Variants in ACSM4 observed in about 807,000 individuals in gnomAD.
ACSM4 encodes the protein acyl-CoA synthetase medium chain family member 4.
Under a neutral mutation model 73.0 loss-of-function variants are expected in ACSM4, and 66 were observed. The observed-to-expected ratio is 0.90, with a 90% confidence interval of 0.74 to 1.11. ACSM4 has a LOEUF of 1.11. Ranked by LOEUF, ACSM4 falls within the 50% of genes least tolerant of loss-of-function variation. The probability of loss-of-function intolerance (pLI) is 0.00; values close to 1 mark genes in which losing one functional copy is unlikely to be tolerated. For missense variants in ACSM4, 645 were observed against 714.4 expected (o/e 0.90, Z 1.11); for synonymous variants, 222 against 254.0 (o/e 0.87, Z 1.20).
intron 8 of ACSM4, 67 bp downstream of exon 8, chr12:7,323,381 T>C: frequency 6.3e-7 from 1 of 1,594,326 alleles, no homozygotes; most frequent in Non-Finnish European, 8.6e-7. Flanking sequence ...CTGCTATTCA[T>C]TGCACAACTA....
At chr12:7,306,847 CAAAAA>C (rs59277746) in intron 2 of ACSM4, 104 bp downstream of exon 2, 1,140 of 486,372 alleles carry the variant, frequency 2.3e-3, no homozygotes, top group South Asian at 5.5e-3. Flanking sequence ...ATACAGAAGA[CAAAAA>C]AAAAAAAAAA....
intron 3 of ACSM4, 132 bp from the exon 4 acceptor site, chr12:7,317,005 A>C: frequency 8.9e-7 from 1 of 1,129,604 alleles, no homozygotes. Context: ...CTCTCAGGAA[A>C]GCTTTGGATT....
intron 3 of ACSM4, among the ~76,000 whole-genome samples, chr12:7,313,148 C>T (rs890863520): frequency 6.6e-6 from 1 of 152,162 alleles, no homozygotes; most frequent in African/African-American, 2.4e-5. Flanking sequence ...GAGCAGCAAG[C>T]ACTTCCACTT....
At position 7,323,101 on chromosome 12, in the gene ACSM4, A is replaced by C; in HGVS notation, c.1126-133A>C. ...CCGAAGTTTGAGAACTACTGGTTTC[A>C]AATAATATATTTCAGAAGGTGCGCC... On this transcript the variant is annotated intron_variant, in intron 7 of 12. Transcript: ENST00000399422. 3.8e-6 allele frequency: 3 copies of C among 793,644 alleles called. 1 individual carries two copies. Among genetic ancestry groups the C allele is most frequent in the Non-Finnish European group, 2.0e-6 (1 of 500,350 alleles). 49.2% of individuals were successfully genotyped at this position (793,644 alleles called of 1,614,324 possible). A position where few individuals can be genotyped will look rare whatever the true frequency, so the allele number is the denominator to read the frequency against.
chr12:7,317,066 G>T, intron 3 of ACSM4, 71 bp from the exon 4 acceptor site: 1 of 1,523,954 alleles, frequency 6.6e-7, no homozygotes, highest in South Asian at 1.3e-5. Context: ...ATAAGTAGTT[G>T]AGCAGAGGAA....
chr12:7,322,635 A>C (rs1291579488), intron 7 of ACSM4, 94 bp downstream of exon 7: 5 of 1,456,094 alleles, frequency 3.4e-6, no homozygotes, highest in Non-Finnish European at 4.6e-6. Flanking sequence ...ATCCCACTGT[A>C]AATTTTTATA....
At chr12:7,314,499 A>C (rs1222007702) in intron 3 of ACSM4, among the ~76,000 whole-genome samples, 1 of 152,186 alleles carries the variant, frequency 6.6e-6, no homozygotes, top group African/African-American at 2.4e-5. Flanking sequence ...TTTCTTTTAG[A>C]TAGACAGATA....
intron 8 of ACSM4, 62 bp downstream of exon 8, chr12:7,323,376 A>G (rs1270135028): frequency 3.0e-5 from 48 of 1,593,238 alleles, no homozygotes; most frequent in Non-Finnish European, 4.0e-5. Context: ...CTTTTCTGCT[A>G]TTCATTGCAC....
At chr12:7,317,962 T>C in intron 4 of ACSM4, 64 bp from the exon 5 acceptor site, 1 of 1,555,680 alleles carries the variant, frequency 6.4e-7, no homozygotes, top group Non-Finnish European at 8.7e-7. Context: ...CCCTGAAAGA[T>C]ACCAGTTTGT....
At chr12:7,307,478 G>C (rs1164276821) in intron 2 of ACSM4, among the ~76,000 whole-genome samples, 2 of 152,052 alleles carry the variant, frequency 1.3e-5, no homozygotes, top group African/African-American at 4.8e-5. Flanking sequence ...ACAAAAAAAA[G>C]ATACAACAAG....
intron 6 of ACSM4, among the ~76,000 whole-genome samples, chr12:7,321,657 C>G (rs1297792535): frequency 1.3e-5 from 2 of 152,218 alleles, no homozygotes. Flanking sequence ...CCCTCTGGCC[C>G]ATTTGGGGCC....
intron 7 of ACSM4, 104 bp downstream of exon 7, chr12:7,322,645 AGAGTT>A: frequency 7.0e-7 from 1 of 1,427,074 alleles, no homozygotes; most frequent in Non-Finnish European, 9.3e-7. Context: ...AAATTTTTAT[AGAGTT>A]TCCCGGGATA....
chr12:7,320,491 T>C (rs768269721), intron 5 of ACSM4, among the ~76,000 whole-genome samples: 2 of 152,388 alleles, frequency 1.3e-5, no homozygotes, highest in East Asian at 3.9e-4. Context: ...TTGAATTAGA[T>C]TGTGTATGTC....
chr12:7,322,232 T>C (rs1282150380), intron 6 of ACSM4, among the ~76,000 whole-genome samples, 186 bp from the exon 7 acceptor site: 2 of 152,232 alleles, frequency 1.3e-5, no homozygotes, highest in African/African-American at 4.8e-5. Flanking sequence ...TAATCACTAA[T>C]GTGCCCCCAT....
intron 3 of ACSM4, among the ~76,000 whole-genome samples, chr12:7,315,686 T>A (rs969077769): frequency 3.3e-5 from 5 of 152,176 alleles, no homozygotes; most frequent in Non-Finnish European, 5.9e-5. Flanking sequence ...GTACCGGTTA[T>A]TCATCATTGA....
intron 6 of ACSM4, among the ~76,000 whole-genome samples, chr12:7,321,129 G>C (rs1180380048): frequency 6.6e-6 from 1 of 151,970 alleles, no homozygotes; most frequent in East Asian, 1.9e-4. Context: ...AGGACAACTG[G>C]ACATTTTTCC....
Position 7,323,302 on chromosome 12 carries a change from C to G in ACSM4, c.1194C>G (p.Pro398=), listed in dbSNP as rs1946478334. The G allele has an allele frequency of 1.2e-6, 2 of 1,610,656 alleles. No homozygotes were observed. ...GTTCAATGGGGAAAGGAATGCTGCCCTATGATGTCCAGGTAGGTTGAGAAA... is the reference window on the plus strand; with the variant it reads ...GTTCAATGGGGAAAGGAATGCTGCCGTATGATGTCCAGGTAGGTTGAGAAA... ...KPGSMGKGML[P]YDVQIIDENG... is the part of the protein sequence containing the mutation. Residue 398 remains proline, a synonymous_variant, in exon 8 of 13, where the codon CCC becomes CCG. Transcript: ENST00000399422.
chr12:7,320,704 G>C, intron 5 of ACSM4, 21 bp from the exon 6 acceptor site: 1 of 1,598,092 alleles, frequency 6.3e-7, no homozygotes, highest in East Asian at 2.2e-5. Flanking sequence ...TCTGACATCT[G>C]TGTCTTTCTC....
intron 12 of ACSM4, 44 bp downstream of exon 12, chr12:7,327,139 A>T (rs1309360313): frequency 1.0e-5 from 16 of 1,546,144 alleles, no homozygotes; most frequent in Non-Finnish European, 1.4e-5. Flanking sequence ...TTACCAAACT[A>T]GGGTCTAAGC....
Sources: allele counts gnomAD v4.1 joint callset (sites outside exome capture counted in the v4.1 genomes callset), GRCh38; gene constraint gnomAD v4.1.1; transcripts MANE v1.5; gene names NCBI Gene and HGNC (gene_info 2026-07-23, HGNC 2026-07-21).